The following EGLN1 variants were observed in gnomAD, a reference collection of about 807,000 sequenced individuals.
EGLN1 encodes egl-9 family hypoxia inducible factor 1, also known as egl nine homolog 1.
A neutral mutation model predicts 38.3 loss-of-function variants in EGLN1; 17 were observed. The ratio of observed to expected loss-of-function variants is 0.44; its 90% CI spans 0.30 to 0.67. The LOEUF is 0.67. Among genes scored for constraint, EGLN1 ranks in the 30% least tolerant of loss-of-function variants. The probability of loss-of-function intolerance (pLI) is 0.08; values close to 1 mark genes in which losing one functional copy is unlikely to be tolerated. For missense variants in EGLN1, 477 were observed against 603.3 expected, an observed-to-expected ratio of 0.79 and a Z score of 2.19; for synonymous variants, 283 against 257.5, an observed-to-expected ratio of 1.10 and a Z score of -0.95.
intron 1 of EGLN1, among the ~76,000 whole-genome samples, chr1:231,413,458 C>G (rs1422076889): frequency 6.6e-6 from 1 of 152,156 alleles, no homozygotes; most frequent in Non-Finnish European, 1.5e-5. Flanking sequence ...AACTAATTTC[C>G]CACTTCATTC....
At chr1:231,402,279 G>C (rs951210553) in intron 1 of EGLN1, among the ~76,000 whole-genome samples, 2 of 151,818 alleles carry the variant, frequency 1.3e-5, no homozygotes, top group African/African-American at 4.8e-5. Flanking sequence ...TGGTATCTTT[G>C]GATAAGCAAA....
rs886046114 is a variant in EGLN1 at position 231,422,028 on chromosome 1, G to A, written c.-140C>T. 4.2e-6 allele frequency: 4 copies of A among 961,668 alleles called. No individual in the cohort carries two copies. Among genetic ancestry groups the A allele is most frequent in the Non-Finnish European group, 5.5e-6 (4 of 727,142 alleles). 59.6% of individuals were successfully genotyped at this position (961,668 alleles called of 1,614,324 possible). The stretch of plus-strand genomic sequence containing the variant: ...ATGCACCCGCTACCCTCGCCTCAGG[G>A]AGGCCGGCACCCCACGCCCTCGGCC... On this transcript the variant is annotated 5_prime_UTR_variant, in exon 1 of 5. Coordinates refer to ENST00000366641, the MANE Select transcript of EGLN1 (RefSeq NM_022051.3).
chr1:231,397,425 C>G (rs1336153019), intron 1 of EGLN1, among the ~76,000 whole-genome samples: 2 of 152,214 alleles, frequency 1.3e-5, no homozygotes, highest in East Asian at 3.8e-4. Context: ...TGCCACTAGA[C>G]CAGGGATTGA....
At chr1:231,391,892 A>C (rs1688398683) in intron 1 of EGLN1, among the ~76,000 whole-genome samples, 1 of 152,232 alleles carries the variant, frequency 6.6e-6, no homozygotes, top group Non-Finnish European at 1.5e-5. Flanking sequence ...AAATAATCCA[A>C]CTAGAATTTT....
chr1:231,376,152 CT>C (rs905120256), intron 1 of EGLN1, among the ~76,000 whole-genome samples: 10 of 152,326 alleles, frequency 6.6e-5, no homozygotes, highest in African/African-American at 2.4e-4. Context: ...AGAAGTTTTG[CT>C]TTCTGTGATT....
At chr1:231,403,485 T>C (rs1045383188) in intron 1 of EGLN1, among the ~76,000 whole-genome samples, 2 of 152,072 alleles carry the variant, frequency 1.3e-5, no homozygotes, top group Non-Finnish European at 2.9e-5. Flanking sequence ...GTAAGATTTT[T>C]ACAGGCTGGG....
At position 231,383,435 on chromosome 1, in the gene EGLN1, G is replaced by C. The variant is rs192028865; in HGVS notation, c.892-9336C>G. Among the ~76,000 whole-genome samples, 147 of 152,292 alleles carry C rather than the reference G, an allele frequency of 9.7e-4. 2 individuals are homozygous for C. The East Asian group carries it at 0.024, about 25-fold the overall frequency. The stretch of plus-strand genomic sequence containing the variant: ...GAGTCTTACTTACACAAAGTACCCA[G>C]ACAGCAAAGACATAATTAACTTTGT... On this transcript the variant is annotated intron_variant, in intron 1 of 4. Coordinates refer to ENST00000366641, the MANE Select transcript of EGLN1 (RefSeq NM_022051.3).
At chr1:231,379,642 A>G (rs1688033639) in intron 1 of EGLN1, among the ~76,000 whole-genome samples, 1 of 152,198 alleles carries the variant, frequency 6.6e-6, no homozygotes, top group African/African-American at 2.4e-5. Flanking sequence ...ACACACACCC[A>G]TATTCACTCA....
chr1:231,407,250 T>A (rs1688823843), intron 1 of EGLN1, among the ~76,000 whole-genome samples: 1 of 152,338 alleles, frequency 6.6e-6, no homozygotes, highest in Non-Finnish European at 1.5e-5. Context: ...TTCTCCCACG[T>A]TGATTAAATC....
At chr1:231,395,196 T>C (rs1316207219) in intron 1 of EGLN1, among the ~76,000 whole-genome samples, 1 of 152,246 alleles carries the variant, frequency 6.6e-6, no homozygotes, top group Admixed American at 6.5e-5. Flanking sequence ...CTGTCTCTTT[T>C]ATTTTAAAAT....
chr1:231,382,448 C>G (rs1018549735), intron 1 of EGLN1, among the ~76,000 whole-genome samples: 2 of 152,104 alleles, frequency 1.3e-5, no homozygotes, highest in East Asian at 3.9e-4. Flanking sequence ...ACTCAAGAAG[C>G]CTTATCTCAT....
At chr1:231,378,907 G>A (rs1165349878) in intron 1 of EGLN1, among the ~76,000 whole-genome samples, 2 of 152,152 alleles carry the variant, frequency 1.3e-5, no homozygotes, top group Non-Finnish European at 2.9e-5. Context: ...AAAGCACTAT[G>A]CTTTGACATA....
chr1:231,375,213 G>T (rs1310931751), intron 1 of EGLN1, among the ~76,000 whole-genome samples: 1 of 152,064 alleles, frequency 6.6e-6, no homozygotes, highest in Non-Finnish European at 1.5e-5. Context: ...ATGCTGCCAG[G>T]CCCGGCTAAT....
chr1:231,367,437 TAAG>T (rs1365794457), intron 4 of EGLN1, 129 bp downstream of exon 4: 3 of 958,174 alleles, frequency 3.1e-6, no homozygotes, highest in Non-Finnish European at 4.9e-6. Flanking sequence ...ATGAGGCAAA[TAAG>T]AAATCTGATA....
intron 1 of EGLN1, among the ~76,000 whole-genome samples, chr1:231,388,482 G>T (rs2808593): frequency 0.55 from 82,811 of 151,758 alleles, 24,195 homozygotes; most frequent in Non-Finnish European, 0.65. Context: ...TCTCTGTCTC[G>T]CTCTCTGTCT....
intron 1 of EGLN1, among the ~76,000 whole-genome samples, chr1:231,419,356 T>G (rs984031682): frequency 3.9e-5 from 6 of 152,086 alleles, no homozygotes; most frequent in African/African-American, 1.4e-4. Flanking sequence ...AGAAAAGAGG[T>G]CTCAGCTTAA....
At chr1:231,374,586 T>C (rs1687910946) in intron 1 of EGLN1, among the ~76,000 whole-genome samples, 1 of 151,986 alleles carries the variant, frequency 6.6e-6, no homozygotes, top group African/African-American at 2.4e-5. Context: ...GATGCAATCA[T>C]GGCTCACTGC....
At chr1:231,385,295 C>T (rs1688175722) in intron 1 of EGLN1, among the ~76,000 whole-genome samples, 1 of 152,144 alleles carries the variant, frequency 6.6e-6, no homozygotes, top group Non-Finnish European at 1.5e-5. Context: ...ATGTGTAAGG[C>T]ATAGTGCTAG....
chr1:231,375,269 T>C (rs1687931848), intron 1 of EGLN1, among the ~76,000 whole-genome samples: 1 of 152,176 alleles, frequency 6.6e-6, no homozygotes, highest in Admixed American at 6.6e-5. Flanking sequence ...TTGGCCAAGC[T>C]GGTCTTAAAC....
Sources: allele counts gnomAD v4.1 joint callset (sites outside exome capture counted in the v4.1 genomes callset), GRCh38; gene constraint gnomAD v4.1.1; transcripts MANE v1.5; gene names NCBI Gene and HGNC (gene_info 2026-07-23, HGNC 2026-07-21).